Variants in PPFIA4 observed in about 807,000 individuals in gnomAD.
The protein encoded by PPFIA4 is liprin-alpha-4.
PPFIA4 carries 98 observed loss-of-function variants against 145.7 expected under a neutral mutation model. The observed-to-expected ratio is 0.67, with a 90% CI of 0.57 to 0.80. The LOEUF (loss-of-function observed/expected upper bound fraction) is 0.80. PPFIA4 is among the 30% of genes least tolerant of loss of function. The probability of loss-of-function intolerance (pLI) is 0.00; values close to 1 mark genes in which losing one functional copy is unlikely to be tolerated. For missense variants in PPFIA4, 1,457 were observed against 1,632.7 expected, an observed-to-expected ratio of 0.89 and a Z score of 1.85; for synonymous variants, 628 against 649.6, an observed-to-expected ratio of 0.97 and a Z score of 0.51.
At chr1:203,076,096 G>C in intron 29 of PPFIA4, 1 of 599,252 alleles carries the variant, frequency 1.7e-6, no homozygotes, top group Non-Finnish European at 2.9e-6. Context: ...CCAGGCCCGG[G>C]GACGCGGGCA....
Position 203,059,876 on chromosome 1 carries a change from C to T in PPFIA4, c.2583+25C>T, listed in dbSNP as rs778141692. 5 of 1,582,286 alleles carry T rather than the reference C, an allele frequency of 3.2e-6. No individual in the cohort carries two copies. In the South Asian group the frequency reaches 4.5e-5, roughly 14 times the overall value. ...GGTAAGCCTGAGCAAAGGGAGTCCA[C>T]TCAGGGGTCTGGAGGGAAGGATGCT... On this transcript the variant is annotated intron_variant, in intron 21 of 29. Coordinates refer to ENST00000295706, the MANE Select transcript of PPFIA4 (RefSeq NM_001304331.2).
At chr1:203,069,421 C>T (rs1661970661) in intron 27 of PPFIA4, among the ~76,000 whole-genome samples, 1 of 152,222 alleles carries the variant, frequency 6.6e-6, no homozygotes. Flanking sequence ...AACTAGTTCT[C>T]ACCTTTTATG....
At chr1:203,056,186 C>A (rs113337841) in intron 17 of PPFIA4, 31 bp downstream of exon 17, 2 of 1,613,662 alleles carry the variant, frequency 1.2e-6, no homozygotes, top group Non-Finnish European at 1.7e-6. Flanking sequence ...CAGGTACTAA[C>A]GGGTTCACTG....
At chr1:203,038,289 C>T (rs1429009111) in intron 1 of PPFIA4, among the ~76,000 whole-genome samples, 4 of 152,190 alleles carry the variant, frequency 2.6e-5, no homozygotes, top group African/African-American at 2.4e-5. Flanking sequence ...GGCATCCTGC[C>T]GGCTGCTCCC....
At chr1:203,066,176 TAGAC>T (rs1023173903) in intron 25 of PPFIA4, among the ~76,000 whole-genome samples, 16 of 152,318 alleles carry the variant, frequency 1.1e-4, no homozygotes, top group Middle Eastern at 3.4e-3. Context: ...AGATTGAAAT[TAGAC>T]AGAAGGCATT....
In PPFIA4 at chr1:203,061,588, G is replaced by A. The variant is rs562468274; in HGVS notation, c.2848-64G>A. On this transcript the variant is annotated intron_variant, in intron 23 of 29. Transcript: ENST00000295706. ...TTTCCTCTCCTTGATGGGGCCTAGG[G>A]TAGAGCTGATGGGTTTCTTGACTTT... 5 of 1,507,506 alleles carry A rather than the reference G, an allele frequency of 3.3e-6. No individual in the cohort carries two copies. The African/African-American group carries it at 4.2e-5, about 13-fold the overall frequency. 93.4% of individuals were successfully genotyped at this position (1,507,506 alleles called of 1,614,324 possible). A position where few individuals can be genotyped will look rare whatever the true frequency, so the allele number is the denominator to read the frequency against.
In PPFIA4 at chr1:203,071,763, G is replaced by A. The variant is rs746970302; in HGVS notation, c.3393+3G>A. ...GCACAGACCGGAAGCTGGATGACGT[G>A]AGTACCTGGCCATGAATTAGGAGCC... On this transcript the variant is annotated splice_donor_region_variant and intron_variant, in intron 28 of 29. Coordinates refer to ENST00000295706, the MANE Select transcript of PPFIA4 (RefSeq NM_001304331.2). The A allele has an allele frequency of 1.9e-6, 3 of 1,608,952 alleles. No individual in the cohort carries two copies. In the East Asian group the frequency reaches 6.7e-5, roughly 36 times the overall value.
Position 203,056,882 on chromosome 1 carries a change from G to GC in PPFIA4, c.2341dup (p.Arg781ProfsTer59), listed in dbSNP as rs142427146. On this transcript the variant is annotated frameshift_variant, in exon 19 of 30. Coordinates refer to ENST00000295706, the MANE Select transcript of PPFIA4 (RefSeq NM_001304331.2). LOFTEE classifies it high-confidence loss of function. ...CGCAAGGGCATCAAGTCGTCCATTG[G>GC]CCGCCTGTTTGGGAAGAAGGAGAAG... 60 of 1,614,088 alleles carry GC rather than the reference G, an allele frequency of 3.7e-5. No individual in the cohort carries two copies. Among genetic ancestry groups the GC allele is most frequent in the Non-Finnish European group, 5.0e-5 (59 of 1,179,904 alleles).
At chr1:203,072,595 C>G (rs1478546294) in intron 28 of PPFIA4, among the ~76,000 whole-genome samples, 1 of 152,204 alleles carries the variant, frequency 6.6e-6, no homozygotes, top group East Asian at 1.9e-4. Flanking sequence ...CCTGTCAGGT[C>G]TGCGCTAGTT....
chr1:203,045,455 C>G lies in PPFIA4; in HGVS notation c.754C>G (p.Leu252Val). The stretch of plus-strand genomic sequence containing the variant: ...CCAGGCCCGGGAGCGACTGGTCACC[C>G]TAACAACAACCGTGACTGAACTCGA... ...LSQARERLVT[L>V]TTTVTELEED... Residue 252 changes from leucine (L) to valine (V), a missense_variant, in exon 7 of 30, where the codon CTA (leucine) becomes GTA (valine). This residue lies in a region of PPFIA4 where 463 missense variants were observed against 459.8 expected (regional missense o/e 1.01). Transcript: ENST00000295706. 1.2e-6 allele frequency: 2 copies of G among 1,609,916 alleles called. No individual in the cohort carries two copies. Among genetic ancestry groups the G allele is most frequent in the East Asian group, 4.5e-5 (2 of 44,758 alleles).
chr1:203,059,756 C>T lies in PPFIA4; in HGVS notation c.2502-14C>T. 1 of 1,608,968 alleles carries T rather than the reference C, an allele frequency of 6.2e-7. No individual in the cohort carries two copies. The highest frequency in any genetic ancestry group is 8.5e-7 in the Non-Finnish European group (1 of 1,176,200). On this transcript the variant is annotated splice_polypyrimidine_tract_variant and intron_variant, in intron 20 of 29. Coordinates refer to ENST00000295706, the MANE Select transcript of PPFIA4 (RefSeq NM_001304331.2). ...AGGAAGAACTAGTGAGTCTGTTGTT[C>T]CTCTTCCTATAAGACACCAGCTGCT...
chr1:203,034,648 C>G, intron 1 of PPFIA4: 1 of 456,642 alleles, frequency 2.2e-6, no homozygotes, highest in Non-Finnish European at 4.4e-6. Context: ...ATGGGGCCTT[C>G]CAGTGGGGCC....
chr1:203,046,076 TG>T lies in PPFIA4; in HGVS notation c.1005+93del, dbSNP rs966479270. The stretch of plus-strand genomic sequence containing the variant: ...CTACTGGTGATGGCTGAGGAGCCCC[TG>T]GGGTCCTGCAGGTCACCCTTTGAAA... On this transcript the variant is annotated intron_variant, in intron 8 of 29. Transcript: ENST00000295706. 48 of 1,577,938 alleles carry T rather than the reference TG, an allele frequency of 3.0e-5. No individual in the cohort carries two copies. The Admixed American group carries it at 6.5e-4, about 21-fold the overall frequency.
intron 1 of PPFIA4, among the ~76,000 whole-genome samples, chr1:203,032,396 G>A (rs936090081): frequency 6.7e-6 from 1 of 149,338 alleles, no homozygotes; most frequent in Non-Finnish European, 1.5e-5. Flanking sequence ...GCGGATGGGG[G>A]CCCAGAGGCT....
At chr1:203,054,737 C>T (rs954723033) in intron 15 of PPFIA4, among the ~76,000 whole-genome samples, 6 of 151,880 alleles carry the variant, frequency 4.0e-5, no homozygotes, top group African/African-American at 9.7e-5. Flanking sequence ...AAGGTACAAA[C>T]GTAGGACCAC....
Position 203,060,193 on chromosome 1 carries a change from C to A in PPFIA4, c.2584-24C>A, listed in dbSNP as rs759602134. 6.2e-7 allele frequency: 1 copy of A among 1,610,998 alleles called. No individual in the cohort carries two copies. The highest frequency in any genetic ancestry group is 1.7e-5 in the Admixed American group (1 of 59,756). On this transcript the variant is annotated intron_variant, in intron 21 of 29. Transcript: ENST00000295706. This position sits in a 1 kb window ranked among gnomAD's most constrained non-coding sequence, Gnocchi z 4.8. ...GTGGTAGGGCCCAGGCCTTGAATTA[C>A]CTCCCTGTGCCCGGTGTCTGCAGCT...
chr1:203,048,320 C>G lies in PPFIA4; in HGVS notation c.1224+10C>G. On this transcript the variant is annotated intron_variant, in intron 10 of 29. Transcript: ENST00000295706. This position sits in a 1 kb window ranked among gnomAD's most constrained non-coding sequence, Gnocchi z 5.8. ...CCAGGAGCTGGCACGGGTGAGGGCA[C>G]CAGGCCGGGCCCTCAGGCCCCCTCC... The G allele has an allele frequency of 6.2e-7, 1 of 1,611,086 alleles. No homozygotes were observed. Among genetic ancestry groups the G allele is most frequent in the South Asian group, 1.1e-5 (1 of 90,596 alleles).
At chr1:203,040,871 T>C (rs1659651528) in intron 2 of PPFIA4, among the ~76,000 whole-genome samples, 1 of 152,204 alleles carries the variant, frequency 6.6e-6, no homozygotes, top group African/African-American at 2.4e-5. Context: ...CCAGGCCTAC[T>C]TGACTTCCCA....
rs1487126635 is a variant in PPFIA4 at position 203,045,916 on chromosome 1, G to A, written c.934G>A (p.Ala312Thr). The change falls in exon 8 of 30, where the codon GCA becomes ACA. Residue 312 changes from alanine (A) to threonine (T), a missense_variant. Ala to Thr is a moderately conservative substitution (Grantham distance 58). Coordinates refer to ENST00000295706, the MANE Select transcript of PPFIA4 (RefSeq NM_001304331.2). ...GCGCTACCTGGCTGCTCAGCGTGAG[G>A]CAACATCCATCCATGACCTCAATGA... The part of the protein sequence containing the change: ...EKRYLAAQRE[A>T]TSIHDLNDKL... 16 of 1,612,694 alleles carry A rather than the reference G, an allele frequency of 9.9e-6. No individual in the cohort carries two copies. Among genetic ancestry groups the A allele is most frequent in the Non-Finnish European group, 8.5e-7 (1 of 1,179,880 alleles).
Sources: gnomAD v4.1 joint callset for allele counts (sites outside exome capture counted in the v4.1 genomes callset) on GRCh38, gnomAD v4.1.1 for gene constraint, gnomAD v4.1.1 regional missense constraint, Gnocchi (gnomAD v3.1) non-coding constraint, MANE v1.5 for transcripts, NCBI Gene and HGNC (gene_info 2026-07-23, HGNC 2026-07-21) for gene names.